The following NXPH4 variants were observed in gnomAD, a reference collection of about 807,000 sequenced individuals.
NXPH4 encodes the protein neurexophilin-4.
Under a neutral mutation model 21.3 loss-of-function variants are expected in NXPH4, and 8 were observed. That is an observed-to-expected ratio of 0.38 (90% confidence interval 0.22 to 0.68). The LOEUF (loss-of-function observed/expected upper bound fraction) is 0.68. NXPH4 is among the 30% of genes least tolerant of loss of function. The pLI is 0.53. For missense variants in NXPH4, 418 were observed against 416.8 expected (o/e 1.00, Z -0.03); for synonymous variants, 219 against 192.6 (o/e 1.14, Z -1.13).
chr12:57,221,219 C>T (rs750644482), intron 1 of NXPH4: 2 of 413,232 alleles, frequency 4.8e-6, no homozygotes, highest in Non-Finnish European at 1.0e-5. Context: ...TCCCTCGTTC[C>T]CAGCCAGACT....
At chr12:57,220,532 A>G (rs901221695) in intron 1 of NXPH4, among the ~76,000 whole-genome samples, 1 of 152,236 alleles carries the variant, frequency 6.6e-6, no homozygotes, top group South Asian at 2.1e-4. Context: ...AAGAGAAGTC[A>G]GGCAGGCAGG....
Position 57,216,931 on chromosome 12 carries a change from G to A in NXPH4, c.-39G>A, listed in dbSNP as rs371929485. 2.4e-5 allele frequency: 36 copies of A among 1,514,852 alleles called. No individual in the cohort carries two copies. In the African/African-American group the frequency reaches 3.6e-4, roughly 15 times the overall value. The allele number at this position is 1,514,852 out of a possible 1,614,324, so 93.8% of individuals were successfully genotyped here. On this transcript the variant is annotated 5_prime_UTR_variant, in exon 1 of 2. Coordinates refer to ENST00000349394, the MANE Select transcript of NXPH4 (RefSeq NM_007224.4). This position sits in a 1 kb window ranked among gnomAD's most constrained non-coding sequence, Gnocchi z 5.3. ...CCCTAGGCCTGGCTCCCGCCTGCCC[G>A]AGACCCGCCCAGCCTGCCCCGCTCA...
At position 57,225,908 on chromosome 12, in the gene NXPH4, C is replaced by T. The variant is rs1402545368; in HGVS notation, c.*161C>T. 18 of 1,440,068 alleles carry T rather than the reference C, an allele frequency of 1.2e-5. No homozygotes were observed. The highest frequency in any genetic ancestry group is 1.6e-5 in the Non-Finnish European group (18 of 1,102,122). The allele number at this position is 1,440,068 out of a possible 1,614,324, so 89.2% of individuals were successfully genotyped here. A position where few individuals can be genotyped will look rare whatever the true frequency, so the allele number is the denominator to read the frequency against. Reference sequence around the variant, plus strand: ...TCGGGACCCTCAGCTAGCGTGGGTGCCCTTTTCCTTATGCGGAGTGCCCGC... The same window carrying T: ...TCGGGACCCTCAGCTAGCGTGGGTGTCCTTTTCCTTATGCGGAGTGCCCGC... On this transcript the variant is annotated 3_prime_UTR_variant, in exon 2 of 2. Coordinates refer to ENST00000349394, the MANE Select transcript of NXPH4 (RefSeq NM_007224.4).
In NXPH4 at chr12:57,225,657, C is replaced by G; in HGVS notation, c.837C>G (p.Ile279Met). The change falls in exon 2 of 2, where the codon ATC becomes ATG. Residue 279 changes from isoleucine (I) to methionine (M), a missense_variant. By Grantham distance (10) the Ile-to-Met change is conservative (BLOSUM62 1). Coordinates refer to ENST00000349394, the MANE Select transcript of NXPH4 (RefSeq NM_007224.4). The stretch of plus-strand genomic sequence containing the variant: ...CCAAGCCCTTCAAAGTCATCTGTAT[C>G]TTCGTCTCTTTCCTCAGCTTTGACT... ...LCAKPFKVIC[I>M]FVSFLSFDYK... The G allele has an allele frequency of 6.2e-7, 1 of 1,613,888 alleles. No homozygotes were observed. The highest frequency in any genetic ancestry group is 8.5e-7 in the Non-Finnish European group (1 of 1,180,014).
intron 1 of NXPH4, chr12:57,220,080 G>C (rs1202438903): frequency 6.6e-6 from 1 of 152,632 alleles, no homozygotes; most frequent in Non-Finnish European, 1.5e-5. Flanking sequence ...ATCCGTGAGG[G>C]ACAGGGCAAC....
chr12:57,224,000 T>C (rs1172420445), intron 1 of NXPH4, among the ~76,000 whole-genome samples: 2 of 152,272 alleles, frequency 1.3e-5, no homozygotes, highest in Non-Finnish European at 2.9e-5. Context: ...TTTCCTCCTC[T>C]GCTCAACTGG....
chr12:57,218,868 C>T (rs1294629778), intron 1 of NXPH4, among the ~76,000 whole-genome samples: 2 of 152,140 alleles, frequency 1.3e-5, no homozygotes, highest in African/African-American at 2.4e-5. Context: ...CTTCTGTGCA[C>T]TTGTGAGTGT....
rs1396473566 is a variant in NXPH4, at chr12:57,216,867, CT to C, written c.-102del. ...CCCGCCGCTCCCGCCGCTCCCGCCGCTCCCGCAGCCGCCCCGCCGCCCGCCC... is the reference window on the plus strand; with the variant it reads ...CCCGCCGCTCCCGCCGCTCCCGCCGCCCCGCAGCCGCCCCGCCGCCCGCCC... On this transcript the variant is annotated 5_prime_UTR_variant, in exon 1 of 2. Coordinates refer to ENST00000349394, the MANE Select transcript of NXPH4 (RefSeq NM_007224.4). The surrounding 1 kb of genome is among the most constrained non-coding windows in gnomAD (Gnocchi z 5.3). 3.2e-6 allele frequency: 2 copies of C among 628,224 alleles called. No individual in the cohort carries two copies. The highest frequency in any genetic ancestry group is 6.7e-5 in the South Asian group (1 of 14,868). The allele number at this position is 628,224 out of a possible 1,614,324, so 38.9% of individuals were successfully genotyped here.
At chr12:57,221,653 G>T (rs945588425) in intron 1 of NXPH4, 1 of 277,530 alleles carries the variant, frequency 3.6e-6, no homozygotes, top group Non-Finnish European at 7.3e-6. Context: ...GCGCACCTCC[G>T]CCCCGCCCCC....
intron 1 of NXPH4, among the ~76,000 whole-genome samples, chr12:57,219,393 C>T (rs1358789531): frequency 6.6e-6 from 1 of 152,216 alleles, no homozygotes; most frequent in Non-Finnish European, 1.5e-5. Context: ...GTCTCCCCGA[C>T]CCCTTGCCAA....
At chr12:57,222,467 G>C (rs562126935) in intron 1 of NXPH4, among the ~76,000 whole-genome samples, 5 of 152,162 alleles carry the variant, frequency 3.3e-5, no homozygotes, top group Non-Finnish European at 7.4e-5. Flanking sequence ...CTGCTGGGAG[G>C]AGATGGCTTG....
rs2037149681 is a variant in NXPH4, at chr12:57,226,356, T to G, written c.*609T>G. Reference sequence around the variant, plus strand: ...CCCCCTCCAGTCCAGGCAGTCGAGCTCCACCTGCCCTCTCCTGCTGCTTCC... The same window carrying G: ...CCCCCTCCAGTCCAGGCAGTCGAGCGCCACCTGCCCTCTCCTGCTGCTTCC... On this transcript the variant is annotated 3_prime_UTR_variant, in exon 2 of 2. Transcript: ENST00000349394. 5.7e-6 allele frequency: 1 copy of G among 176,510 alleles called. No individual in the cohort carries two copies. Among genetic ancestry groups the G allele is most frequent in the Non-Finnish European group, 1.0e-5 (1 of 96,518 alleles). 10.9% of individuals were successfully genotyped at this position (176,510 alleles called of 1,614,324 possible). A position where few individuals can be genotyped will look rare whatever the true frequency, so the allele number is the denominator to read the frequency against.
rs200081108 is a variant in NXPH4 at position 57,225,045 on chromosome 12, G to A, written c.225G>A (p.Gly75=). The change falls in exon 2 of 2, where the codon GGG becomes GGA. Residue 75 remains glycine (G), a synonymous_variant. Transcript: ENST00000349394. ...WSWAWPTNHT[G]ALARAGAAGA... is the part of the protein sequence containing the mutation. ...GGGCCTGGCCGACCAACCACACGGGGGCGCTGGCCCGGGCAGGGGCAGCCG... is the reference window on the plus strand; with the variant it reads ...GGGCCTGGCCGACCAACCACACGGGAGCGCTGGCCCGGGCAGGGGCAGCCG... 5.7e-5 allele frequency: 84 copies of A among 1,478,292 alleles called. No homozygotes were observed. Among genetic ancestry groups the A allele is most frequent in the East Asian group, 3.6e-4 (14 of 38,964 alleles). 91.6% of individuals were successfully genotyped at this position (1,478,292 alleles called of 1,614,324 possible). A position where few individuals can be genotyped will look rare whatever the true frequency, so the allele number is the denominator to read the frequency against.
rs2037055428 is a variant in NXPH4, at chr12:57,217,875, T to G, written c.57+849T>G. On this transcript the variant is annotated intron_variant, in intron 1 of 1. Transcript: ENST00000349394. The stretch of plus-strand genomic sequence containing the variant: ...GTGCATGTGTCCAGGGAAGCCAGGC[T>G]TGGTCCAGTACTGGGGCCGAGGGTA... Among the ~76,000 whole-genome samples the G allele has an allele frequency of 2.6e-5, 4 of 152,358 alleles. No homozygotes were observed. The South Asian group carries it at 8.3e-4, about 32-fold the overall frequency.
intron 1 of NXPH4, among the ~76,000 whole-genome samples, chr12:57,219,534 AG>A (rs1480559158): frequency 6.6e-6 from 1 of 152,124 alleles, no homozygotes; most frequent in Non-Finnish European, 1.5e-5. Flanking sequence ...GCCTCAGGAA[AG>A]GATTAGGTCT....
At chr12:57,219,853 G>C (rs2037073676) in intron 1 of NXPH4, 1 of 152,614 alleles carries the variant, frequency 6.6e-6, no homozygotes, top group Non-Finnish European at 1.5e-5. Context: ...ATGGGTAGAG[G>C]AGCTGGAGAC....
intron 1 of NXPH4, among the ~76,000 whole-genome samples, chr12:57,217,797 A>C (rs894713130): frequency 6.6e-6 from 1 of 152,216 alleles, no homozygotes; most frequent in Non-Finnish European, 1.5e-5. Flanking sequence ...ACCTGCGAAC[A>C]TGCTGTGCTC....
chr12:57,221,164 C>T (rs751913647), intron 1 of NXPH4: 5 of 369,218 alleles, frequency 1.4e-5, no homozygotes, highest in South Asian at 7.8e-5. Flanking sequence ...GTCCTCACCC[C>T]AGGCTGTCCT....
At chr12:57,218,694 C>T (rs1007843128) in intron 1 of NXPH4, among the ~76,000 whole-genome samples, 11 of 152,176 alleles carry the variant, frequency 7.2e-5, no homozygotes, top group Admixed American at 5.9e-4. Context: ...GCTGTGGGGC[C>T]TCCGTGTTGG....
Sources: gnomAD v4.1 joint callset for allele counts (sites outside exome capture counted in the v4.1 genomes callset) on GRCh38, gnomAD v4.1.1 for gene constraint, Gnocchi (gnomAD v3.1) non-coding constraint, MANE v1.5 for transcripts, NCBI Gene and HGNC (gene_info 2026-07-23, HGNC 2026-07-21) for gene names.